ROR1: variants seen among roughly 807,000 people sequenced by gnomAD.
The protein encoded by ROR1 is inactive tyrosine-protein kinase transmembrane receptor ROR1.
A neutral mutation model predicts 78.8 loss-of-function variants in ROR1; 19 were observed. That is an observed-to-expected ratio of 0.24 (90% confidence interval 0.17 to 0.35). The LOEUF is 0.35. ROR1 is among the 10% of genes least tolerant of loss of function. ROR1 has a pLI of 1.00. For missense variants in ROR1, 917 were observed against 1,177.8 expected, an observed-to-expected ratio of 0.78 and a Z score of 3.24; for synonymous variants, 386 against 433.6, an observed-to-expected ratio of 0.89 and a Z score of 1.36.
At chr1:63,950,500 A>T (rs1645926553) in intron 1 of ROR1, among the ~76,000 whole-genome samples, 1 of 152,184 alleles carries the variant, frequency 6.6e-6, no homozygotes, top group African/African-American at 2.4e-5. Flanking sequence ...TTTCATCGCC[A>T]TCTTGGTTTT....
intron 1 of ROR1, among the ~76,000 whole-genome samples, chr1:63,969,099 A>G (rs1047620601): frequency 2.0e-5 from 3 of 152,100 alleles, no homozygotes; most frequent in Non-Finnish European, 2.9e-5. Flanking sequence ...TAGTTATGCC[A>G]GTTTCTGATT....
At chr1:63,924,151 A>G (rs1645679957) in intron 1 of ROR1, among the ~76,000 whole-genome samples, 1 of 151,976 alleles carries the variant, frequency 6.6e-6, no homozygotes, top group South Asian at 2.1e-4. Flanking sequence ...CTCCGTAGAA[A>G]CTCACCACAT....
intron 1 of ROR1, among the ~76,000 whole-genome samples, chr1:63,876,645 GGTGTGT>G (rs367954652): frequency 1.4e-3 from 179 of 130,654 alleles, no homozygotes; most frequent in East Asian, 2.5e-3. Flanking sequence ...CCACGAAAGG[GGTGTGT>G]GTGTGTGTGT....
intron 8 of ROR1, among the ~76,000 whole-genome samples, chr1:64,161,734 T>A (rs1422433902): frequency 6.6e-6 from 1 of 152,170 alleles, no homozygotes; most frequent in East Asian, 1.9e-4. Context: ...AGCCTTAAAC[T>A]CCTGAACCAG....
intron 1 of ROR1, among the ~76,000 whole-genome samples, chr1:63,929,446 GC>G (rs1439326857): frequency 6.6e-6 from 1 of 151,942 alleles, no homozygotes; most frequent in Non-Finnish European, 1.5e-5. Context: ...TCTCTCGGTT[GC>G]TTTCATAAAA....
intron 1 of ROR1, among the ~76,000 whole-genome samples, chr1:63,799,943 A>G (rs1051558266): frequency 3.3e-5 from 5 of 152,242 alleles, no homozygotes; most frequent in African/African-American, 4.8e-5. Context: ...TTTAGAAAAT[A>G]TGCAGTTGGT....
chr1:63,860,774 A>G (rs1350059994), intron 1 of ROR1, among the ~76,000 whole-genome samples: 12 of 131,756 alleles, frequency 9.1e-5, no homozygotes, highest in South Asian at 8.1e-4. Flanking sequence ...GTCTCGGGGA[A>G]AAAAAAAAAA....
At chr1:64,102,032 T>G (rs1319149488) in intron 4 of ROR1, among the ~76,000 whole-genome samples, 1 of 152,214 alleles carries the variant, frequency 6.6e-6, no homozygotes, top group Non-Finnish European at 1.5e-5. Flanking sequence ...CATTAATAAC[T>G]ATAACACTTC....
At chr1:64,001,038 T>C (rs934597541) in intron 1 of ROR1, among the ~76,000 whole-genome samples, 5 of 152,228 alleles carry the variant, frequency 3.3e-5, no homozygotes, top group African/African-American at 1.2e-4. Flanking sequence ...CAGAAGTCTA[T>C]GCATGGGTTC....
At chr1:64,027,778 C>T (rs1414298790) in intron 2 of ROR1, among the ~76,000 whole-genome samples, 1 of 151,884 alleles carries the variant, frequency 6.6e-6, no homozygotes, top group African/African-American at 2.4e-5. Context: ...ATCTCTGCCT[C>T]CCAGGTTCAA....
At chr1:64,008,262 A>G (rs1646445769) in intron 1 of ROR1, among the ~76,000 whole-genome samples, 1 of 152,186 alleles carries the variant, frequency 6.6e-6, no homozygotes, top group South Asian at 2.1e-4. Flanking sequence ...AATGGCCTCC[A>G]TCTGCATCCA....
intron 2 of ROR1, among the ~76,000 whole-genome samples, chr1:64,024,585 A>T (rs906215722): frequency 6.6e-6 from 1 of 152,212 alleles, no homozygotes; most frequent in African/African-American, 2.4e-5. Context: ...GAAAAGTTAG[A>T]ATTATTCTAG....
In ROR1 at chr1:64,177,639, C is replaced by T; in HGVS notation, c.1598C>T (p.Pro533Leu). 8.1e-6 allele frequency: 13 copies of T among 1,614,180 alleles called. No homozygotes were observed. Among genetic ancestry groups the T allele is most frequent in the Non-Finnish European group, 1.1e-5 (13 of 1,180,024 alleles). Reference protein sequence around the residue: ...EASLMAELHHPNIVCLLGAVT... With the variant: ...EASLMAELHHLNIVCLLGAVT... The stretch of plus-strand genomic sequence containing the variant: ...TCCCTAATGGCAGAACTGCACCACC[C>T]CAATATTGTCTGCCTTCTAGGTGCC... The change falls in exon 9 of 9, where the codon CCC (proline) becomes CTC (leucine). Residue 533 changes from proline to leucine, a missense_variant. Pro to Leu is a moderately conservative substitution (Grantham distance 98). Coordinates refer to ENST00000371079, the MANE Select transcript of ROR1 (RefSeq NM_005012.4).
chr1:64,160,840 G>C (rs949641769), intron 8 of ROR1, among the ~76,000 whole-genome samples: 1 of 152,162 alleles, frequency 6.6e-6, no homozygotes, highest in Non-Finnish European at 1.5e-5. Flanking sequence ...TCTGGGCGGG[G>C]GAGAGACCTA....
chr1:63,896,152 A>G (rs532854073), intron 1 of ROR1, among the ~76,000 whole-genome samples: 6 of 150,948 alleles, frequency 4.0e-5, no homozygotes, highest in African/African-American at 1.4e-4. Flanking sequence ...TAGATTTCAT[A>G]TCATATCATA....
At chr1:63,896,190 T>TA (rs562185822) in intron 1 of ROR1, among the ~76,000 whole-genome samples, 1 of 152,198 alleles carries the variant, frequency 6.6e-6, no homozygotes, top group African/African-American at 2.4e-5. Flanking sequence ...ATCAGATTGT[T>TA]AAAAAATAAG....
At chr1:63,902,483 ATT>A (rs147218027) in intron 1 of ROR1, among the ~76,000 whole-genome samples, 1 of 149,480 alleles carries the variant, frequency 6.7e-6, no homozygotes, top group Admixed American at 6.7e-5. Context: ...ATGCCCAGCT[ATT>A]TTTTTTTTAA....
At chr1:63,825,727 A>G (rs779787988) in intron 1 of ROR1, among the ~76,000 whole-genome samples, 2 of 152,214 alleles carry the variant, frequency 1.3e-5, no homozygotes, top group Non-Finnish European at 2.9e-5. Flanking sequence ...ATAGTGTCAT[A>G]TTATTCCATC....
chr1:64,029,077 A>C (rs1172990406), intron 2 of ROR1: 1 of 152,088 alleles, frequency 6.6e-6, no homozygotes, highest in African/African-American at 2.4e-5. Context: ...TACTAGTTTT[A>C]TGATCATTAA....
Sources: allele counts gnomAD v4.1 joint callset (sites outside exome capture counted in the v4.1 genomes callset), GRCh38; gene constraint gnomAD v4.1.1; transcripts MANE v1.5; gene names NCBI Gene and HGNC (gene_info 2026-07-23, HGNC 2026-07-21).